Variants in TENM3 observed in about 807,000 individuals in gnomAD.
TENM3 encodes teneurin transmembrane protein 3.
Under a neutral mutation model 255.1 loss-of-function variants are expected in TENM3, and 63 were observed. The ratio of observed to expected loss-of-function variants is 0.25; its 90% CI spans 0.20 to 0.30. The LOEUF is 0.30. Ranked by LOEUF, TENM3 falls within the 10% of genes least tolerant of loss-of-function variation. TENM3 has a pLI of 1.00. For synonymous variants in TENM3, 1,306 were observed against 1,322.3 expected, an observed-to-expected ratio of 0.99 and a Z score of 0.27; for missense variants, 2,929 against 3,461.1, an observed-to-expected ratio of 0.85 and a Z score of 3.86.
At chr4:181,983,600 T>C in the TENM3 span, among the ~76,000 whole-genome samples, 8 of 152,150 alleles carry the variant, frequency 5.3e-5, no homozygotes, top group Admixed American at 5.2e-4. Context: ...AAGTTCATTT[T>C]ACTTTTTCAA....
At chr4:182,541,886 C>T (rs1045073113) in intron 3 of TENM3, among the ~76,000 whole-genome samples, 1 of 151,692 alleles carries the variant, frequency 6.6e-6, no homozygotes, top group African/African-American at 2.4e-5. Flanking sequence ...TAGCAAGACC[C>T]CGTCTCTACA....
At chr4:182,657,693 G>A (rs535569246) in intron 6 of TENM3, among the ~76,000 whole-genome samples, 8 of 151,964 alleles carry the variant, frequency 5.3e-5, no homozygotes, top group Non-Finnish European at 8.8e-5. Flanking sequence ...TCACTCTGTC[G>A]CCCAGGCTGG....
intron 1 of TENM3, among the ~76,000 whole-genome samples, chr4:182,262,641 A>G (rs1758882900): frequency 6.6e-6 from 1 of 151,610 alleles, no homozygotes; most frequent in Non-Finnish European, 1.5e-5. Context: ...TCAAGAAATA[A>G]CCATTAAAAT....
At chr4:181,569,444 T>C in the TENM3 span, among the ~76,000 whole-genome samples, 7 of 152,330 alleles carry the variant, frequency 4.6e-5, no homozygotes, top group Non-Finnish European at 7.4e-5. Context: ...GTGGATAGAA[T>C]AGAATGTAAG....
chr4:181,594,659 C>T, the TENM3 span, among the ~76,000 whole-genome samples: 4 of 152,078 alleles, frequency 2.6e-5, no homozygotes, highest in Non-Finnish European at 5.9e-5. Flanking sequence ...GTTCTTAATG[C>T]CCTCAGTATG....
chr4:182,386,075 T>G (rs2150949952), intron 3 of TENM3, among the ~76,000 whole-genome samples: 1 of 152,316 alleles, frequency 6.6e-6, no homozygotes, highest in East Asian at 1.9e-4. Context: ...ACTTAGAACG[T>G]AAGAAAGAGG....
At chr4:181,847,231 C>A in the TENM3 span, among the ~76,000 whole-genome samples, 6 of 152,204 alleles carry the variant, frequency 3.9e-5, no homozygotes, top group African/African-American at 1.4e-4. Flanking sequence ...AATTTCACAG[C>A]TTTACACACC....
chr4:182,752,171 T>G, intron 20 of TENM3, 139 bp downstream of exon 20: 1 of 624,496 alleles, frequency 1.6e-6, no homozygotes, highest in Non-Finnish European at 2.7e-6. Flanking sequence ...GGAAAGCTGT[T>G]TCACATCTAG....
At chr4:182,652,781 A>G (rs998812291) in intron 5 of TENM3, among the ~76,000 whole-genome samples, 3 of 151,760 alleles carry the variant, frequency 2.0e-5, no homozygotes, top group Non-Finnish European at 4.4e-5. Flanking sequence ...AATAATGTCT[A>G]AAAATATCAA....
At chr4:182,728,039 G>A (rs942229576) in intron 13 of TENM3, among the ~76,000 whole-genome samples, 1 of 151,772 alleles carries the variant, frequency 6.6e-6, no homozygotes, top group Non-Finnish European at 1.5e-5. Context: ...TTTAGAGATG[G>A]GGTTTCACCA....
chr4:182,590,659 A>G (rs776199090), intron 3 of TENM3, among the ~76,000 whole-genome samples: 13 of 151,748 alleles, frequency 8.6e-5, no homozygotes, highest in Non-Finnish European at 1.6e-4. Flanking sequence ...AGAGATCAAG[A>G]CCATCCTGGC....
At chr4:182,483,742 G>C (rs1258016731) in intron 3 of TENM3, among the ~76,000 whole-genome samples, 1 of 152,058 alleles carries the variant, frequency 6.6e-6, no homozygotes, top group African/African-American at 2.4e-5. Context: ...AGTTCCACAG[G>C]CTGTACAGGA....
At chr4:182,074,262 G>A in the TENM3 span, among the ~76,000 whole-genome samples, 1 of 152,170 alleles carries the variant, frequency 6.6e-6, no homozygotes, top group Non-Finnish European at 1.5e-5. Context: ...GGGCTCTGCT[G>A]CCTGTTTATG....
rs550111669 is a variant in TENM3, at chr4:182,265,068, G to A, written c.-76+21592G>A. ...AAACAGAGGAGGCACCACAGACTCC[G>A]TTTTGGGAAAAAACCTCTGTTTTCC... On this transcript the variant is annotated intron_variant, in intron 1 of 27. Transcript: ENST00000511685. Among the ~76,000 whole-genome samples, 3 of 152,040 alleles carry A rather than the reference G, an allele frequency of 2.0e-5. No homozygotes were observed. The South Asian group carries it at 6.2e-4, about 32-fold the overall frequency.
chr4:182,589,689 G>A (rs1746406592), intron 3 of TENM3, among the ~76,000 whole-genome samples: 1 of 151,922 alleles, frequency 6.6e-6, no homozygotes. Flanking sequence ...AAAACGGTTT[G>A]CGGCCGGGCG....
intron 3 of TENM3, among the ~76,000 whole-genome samples, chr4:182,442,070 G>T (rs1009557895): frequency 2.6e-5 from 4 of 152,088 alleles, no homozygotes; most frequent in Non-Finnish European, 5.9e-5. Context: ...TGGAAGAACT[G>T]ACTTCTAAGC....
Position 182,626,561 on chromosome 4 carries a change from A to T in TENM3, c.750-2090A>T, listed in dbSNP as rs567486562. Among the ~76,000 whole-genome samples the T allele has an allele frequency of 2.6e-4, 40 of 152,312 alleles. 1 individual carries two copies. The highest frequency in any genetic ancestry group is 9.1e-4 in the African/African-American group (38 of 41,572). ...TGATAAAACCAAGACACAAAACTTG[A>T]GTAACTTACCCACCATCTTGCAGCT... On this transcript the variant is annotated intron_variant, in intron 4 of 27. Transcript: ENST00000511685.
At chr4:182,636,789 G>T (rs751986939) in intron 5 of TENM3, among the ~76,000 whole-genome samples, 1 of 151,900 alleles carries the variant, frequency 6.6e-6, no homozygotes, top group Non-Finnish European at 1.5e-5. Flanking sequence ...TAAATATAGG[G>T]ATCTCTCTGA....
intron 3 of TENM3, among the ~76,000 whole-genome samples, chr4:182,575,100 A>G (rs1306101682): frequency 2.6e-5 from 4 of 152,202 alleles, no homozygotes; most frequent in African/African-American, 9.6e-5. Context: ...GTAAAATCGT[A>G]CAGAAGAAAT....
Sources: gnomAD v4.1 joint callset for allele counts (sites outside exome capture counted in the v4.1 genomes callset) on GRCh38, gnomAD v4.1.1 for gene constraint, MANE v1.5 for transcripts, NCBI Gene and HGNC (gene_info 2026-07-23, HGNC 2026-07-21) for gene names.